Variants in HERC1 observed in about 807,000 individuals in gnomAD.
HERC1 encodes probable E3 ubiquitin-protein ligase HERC1.
A neutral mutation model predicts 554.3 loss-of-function variants in HERC1; 160 were observed. The ratio of observed to expected loss-of-function variants is 0.29; its 90% CI spans 0.25 to 0.33. The LOEUF (loss-of-function observed/expected upper bound fraction) is 0.33. Among genes scored for constraint, HERC1 ranks in the 10% least tolerant of loss-of-function variants. The probability of loss-of-function intolerance (pLI) is 1.00; values close to 1 mark genes in which losing one functional copy is unlikely to be tolerated. For missense variants in HERC1, 4,919 were observed against 5,918.5 expected (o/e 0.83, Z 5.54); for synonymous variants, 2,175 against 2,131.7 (o/e 1.02, Z -0.56).
intron 1 of HERC1, among the ~76,000 whole-genome samples, chr15:63,784,067 A>G (rs2076366997): frequency 6.6e-6 from 1 of 150,618 alleles, no homozygotes; most frequent in Non-Finnish European, 1.5e-5. Flanking sequence ...TCTATCTCAA[A>G]AAAAAAAAAA....
Position 63,718,771 on chromosome 15 carries a change from T to G in HERC1, c.3857+12A>C, listed in dbSNP as rs1396202803. Reference sequence around the variant, plus strand: ...GCAAATATTTGTCTGAGGATAGTTTTAAGTTACTTGCCGGCTTTCTCCACA... The same window carrying G: ...GCAAATATTTGTCTGAGGATAGTTTGAAGTTACTTGCCGGCTTTCTCCACA... On this transcript the variant is annotated intron_variant, in intron 20 of 77. Transcript: ENST00000443617. The surrounding 1 kb of genome is among the most constrained non-coding windows in gnomAD (Gnocchi z 4.2). 6.2e-7 allele frequency: 1 copy of G among 1,610,682 alleles called. No individual in the cohort carries two copies. Among genetic ancestry groups the G allele is most frequent in the South Asian group, 1.1e-5 (1 of 90,572 alleles).
chr15:63,754,759 T>C, intron 6 of HERC1, 111 bp from the exon 7 acceptor site: 1 of 1,041,208 alleles, frequency 9.6e-7, no homozygotes, highest in South Asian at 1.7e-5. Flanking sequence ...TTGAGATTTT[T>C]TTAATGCAAT....
At position 63,669,681 on chromosome 15, in the gene HERC1, T is replaced by G. The variant is rs1449654686; in HGVS notation, c.8063A>C (p.Tyr2688Ser). Reference protein sequence around the residue: ...LSLLRQMFSSYPTTTVLPTRR... With the variant: ...LSLLRQMFSSSPTTTVLPTRR... Reference sequence around the variant, plus strand: ...TGTGGGAAGTACAGTGGTAGTTGGGTAACTAGAGAACATTTGCCTTTAAGA... The same window carrying G: ...TGTGGGAAGTACAGTGGTAGTTGGGGAACTAGAGAACATTTGCCTTTAAGA... The change falls in exon 40 of 78, where the codon TAC (tyrosine) becomes TCC (serine). Residue 2688 changes from tyrosine to serine, a missense_variant. Coordinates refer to ENST00000443617, the MANE Select transcript of HERC1 (RefSeq NM_003922.4). 6.2e-7 allele frequency: 1 copy of G among 1,613,720 alleles called. No individual in the cohort carries two copies. Among genetic ancestry groups the G allele is most frequent in the South Asian group, 1.1e-5 (1 of 91,060 alleles).
intron 12 of HERC1, among the ~76,000 whole-genome samples, chr15:63,745,308 C>T (rs2141591205): frequency 6.6e-6 from 1 of 152,268 alleles, no homozygotes; most frequent in South Asian, 2.1e-4. Context: ...GTCTCTGGGA[C>T]CAGTTCAGCA....
chr15:63,632,575 C>A, intron 68 of HERC1, 134 bp downstream of exon 68: 1 of 704,086 alleles, frequency 1.4e-6, no homozygotes. Flanking sequence ...ATTATCTATA[C>A]TGAAAGGAGG....
intron 13 of HERC1, among the ~76,000 whole-genome samples, chr15:63,733,999 T>C (rs1466306871): frequency 6.6e-6 from 1 of 151,274 alleles, no homozygotes; most frequent in Non-Finnish European, 1.5e-5. Context: ...CCCACCGCTA[T>C]AAAAATAAGA....
At chr15:63,700,695 C>A (rs1310574815) in intron 25 of HERC1, among the ~76,000 whole-genome samples, 1 of 128,388 alleles carries the variant, frequency 7.8e-6, no homozygotes, top group Admixed American at 8.9e-5. Context: ...GGTGACAGGG[C>A]GAGACCCTGC....
intron 1 of HERC1, among the ~76,000 whole-genome samples, chr15:63,827,513 G>GA (rs767042888): frequency 1.3e-4 from 20 of 151,576 alleles, no homozygotes; most frequent in Non-Finnish European, 2.2e-4. Context: ...ACTATTGAGT[G>GA]AAAAAAAGTG....
At chr15:63,646,006 T>C (rs147312545) in intron 55 of HERC1, among the ~76,000 whole-genome samples, 15 of 152,312 alleles carry the variant, frequency 9.8e-5, no homozygotes, top group Admixed American at 6.5e-4. Context: ...GTTATCCTTA[T>C]TGACTAATAA....
At chr15:63,729,460 C>A (rs1367350608) in intron 15 of HERC1, 37 bp downstream of exon 15, 1 of 1,605,938 alleles carries the variant, frequency 6.2e-7, no homozygotes. Flanking sequence ...TTTCAAGGTC[C>A]CTGATAGATC....
At chr15:63,739,792 C>T (rs945585723) in intron 12 of HERC1, among the ~76,000 whole-genome samples, 10 of 151,978 alleles carry the variant, frequency 6.6e-5, no homozygotes, top group Non-Finnish European at 5.9e-5. Context: ...GAGCCGAGAT[C>T]GAGCCACTGC....
intron 25 of HERC1, among the ~76,000 whole-genome samples, chr15:63,701,011 G>C (rs1226349310): frequency 6.6e-6 from 1 of 151,098 alleles, no homozygotes; most frequent in African/African-American, 2.4e-5. Context: ...TCCTCACATT[G>C]AACTTGTTTT....
chr15:63,719,956 T>G (rs1335239803), intron 19 of HERC1, among the ~76,000 whole-genome samples: 1 of 152,002 alleles, frequency 6.6e-6, no homozygotes, highest in Non-Finnish European at 1.5e-5. Context: ...TGGTATTTGA[T>G]GCCATAAAAG....
In HERC1 at chr15:63,758,005, G is replaced by A. The variant is rs915951951; in HGVS notation, c.1221+170C>T. ...TTACAGGCGTGAGCCACTGCGCCCA[G>A]CAAAAATTTATTTTTCTATTAAAAT... On this transcript the variant is annotated intron_variant, in intron 4 of 77. Coordinates refer to ENST00000443617, the MANE Select transcript of HERC1 (RefSeq NM_003922.4). This position sits in a 1 kb window ranked among gnomAD's most constrained non-coding sequence, Gnocchi z 4.0. Among the ~76,000 whole-genome samples, 1 of 152,104 alleles carries A rather than the reference G, an allele frequency of 6.6e-6. No individual in the cohort carries two copies. The highest frequency in any genetic ancestry group is 6.5e-5 in the Admixed American group (1 of 15,274).
intron 1 of HERC1, among the ~76,000 whole-genome samples, chr15:63,829,499 T>TATACACAC (rs1336272062): frequency 1.9e-5 from 1 of 53,370 alleles, no homozygotes; most frequent in African/African-American, 5.8e-5. Flanking sequence ...TATATATATA[T>TATACACAC]ACACACACAC....
intron 33 of HERC1, among the ~76,000 whole-genome samples, chr15:63,687,313 G>C (rs1595975667): frequency 6.6e-6 from 1 of 152,088 alleles, no homozygotes; most frequent in African/African-American, 2.4e-5. Context: ...ACCGAAGCGG[G>C]CGGATCACAA....
At chr15:63,674,239 T>TA in intron 38 of HERC1, 103 bp downstream of exon 38, 1 of 994,398 alleles carries the variant, frequency 1.0e-6, no homozygotes, top group East Asian at 3.0e-5. Context: ...AAAAAAAAAT[T>TA]TTTTTTTTTT....
At chr15:63,724,429 G>C (rs1037805648) in intron 18 of HERC1, among the ~76,000 whole-genome samples, 1 of 152,196 alleles carries the variant, frequency 6.6e-6, no homozygotes, top group Non-Finnish European at 1.5e-5. Context: ...TGGAAATGGA[G>C]GAAAATCCTC....
At position 63,756,738 on chromosome 15, in the gene HERC1, C is replaced by A; in HGVS notation, c.1232G>T (p.Gly411Val). 6.3e-7 allele frequency: 1 copy of A among 1,583,260 alleles called. No individual in the cohort carries two copies. The highest frequency in any genetic ancestry group is 8.6e-7 in the Non-Finnish European group (1 of 1,163,674). ...AGAAATGACAAAAGTGCAGTACTGT[C>A]CAGCTTCAATCTATAAACAAAGAAT... ...SFSDAQTIEA[G>V]QYCTFVISTD... The change falls in exon 5 of 78, where the codon GGA (glycine) becomes GTA (valine). Residue 411 changes from glycine to valine, a missense_variant. Physicochemically the swap from Gly to Val is moderately radical, Grantham distance 109 (BLOSUM62 -3). This residue lies in a region of HERC1 where 744 missense variants were observed against 1,090.0 expected (regional missense o/e 0.68). Transcript: ENST00000443617. The surrounding 1 kb of genome is among the most constrained non-coding windows in gnomAD (Gnocchi z 5.0).
Sources: gnomAD v4.1 joint callset for allele counts (sites outside exome capture counted in the v4.1 genomes callset) on GRCh38, gnomAD v4.1.1 for gene constraint, gnomAD v4.1.1 regional missense constraint, Gnocchi (gnomAD v3.1) non-coding constraint, MANE v1.5 for transcripts, NCBI Gene and HGNC (gene_info 2026-07-23, HGNC 2026-07-21) for gene names.